The following POLR1A variants were observed in gnomAD, a reference collection of about 807,000 sequenced individuals.
POLR1A encodes DNA-directed RNA polymerase I subunit RPA1.
Under a neutral mutation model 205.3 loss-of-function variants are expected in POLR1A, and 84 were observed. The ratio of observed to expected loss-of-function variants is 0.41; its 90% CI spans 0.34 to 0.49. POLR1A has a LOEUF of 0.49. POLR1A is among the 20% of genes least tolerant of loss of function. POLR1A has a pLI of 0.22. For synonymous variants in POLR1A, 799 were observed against 863.7 expected, an observed-to-expected ratio of 0.93 and a Z score of 1.31; for missense variants, 1,645 against 2,204.5, an observed-to-expected ratio of 0.75 and a Z score of 5.08.
In POLR1A at chr2:86,042,096, C is replaced by T. The variant is rs775535994; in HGVS notation, c.3365G>A (p.Arg1122Lys). Residue 1122 changes from arginine (R) to lysine (K), a missense_variant, in exon 24 of 34, where the codon AGG becomes AAG. Physicochemically the swap from Arg to Lys is conservative, Grantham distance 26. Around this residue, in one of 16 missense-constraint regions of POLR1A, gnomAD observed 201 missense variants for 222.3 expected, o/e 0.90. Coordinates refer to ENST00000263857, the MANE Select transcript of POLR1A (RefSeq NM_015425.6). ...TTCCTCATCCAACTCATACCACATC[C>T]TCAGCATCTGAACAGAAGGATGGGT... ...GRSPGTQEML[R>K]MWYELDEESR... The T allele has an allele frequency of 5.6e-6, 9 of 1,611,704 alleles. No homozygotes were observed. Among genetic ancestry groups the T allele is most frequent in the Non-Finnish European group, 8.5e-7 (1 of 1,179,244 alleles).
At chr2:86,045,476 TG>T in intron 20 of POLR1A, 116 bp from the exon 21 acceptor site, 1 of 1,256,818 alleles carries the variant, frequency 8.0e-7, no homozygotes. Flanking sequence ...CTCCCTTCCC[TG>T]ATCTCCTAGG....
chr2:86,045,803 T>A, intron 19 of POLR1A, 34 bp from the exon 20 acceptor site: 3 of 1,583,392 alleles, frequency 1.9e-6, no homozygotes, highest in Non-Finnish European at 2.6e-6. Flanking sequence ...AAACTGAAGA[T>A]CCACATGTGT....
rs1690152678 is a variant in POLR1A at position 86,022,043 on chromosome 2, A to G, written c.*5380T>C. On this transcript the variant is annotated 3_prime_UTR_variant, in exon 34 of 34. Coordinates refer to ENST00000263857, the MANE Select transcript of POLR1A (RefSeq NM_015425.6). The stretch of plus-strand genomic sequence containing the variant: ...TCGTGGTAGGACAGCGATGCTGCTT[A>G]AAGAACTTAAGGAACGAATCTGATT... 6.6e-6 allele frequency: 1 copy of G among 152,240 alleles called. No homozygotes were observed. Among genetic ancestry groups the G allele is most frequent in the African/African-American group, 2.4e-5 (1 of 41,468 alleles). The allele number at this position is 152,240 out of a possible 1,614,324, so 9.4% of individuals were successfully genotyped here. A position where few individuals can be genotyped will look rare whatever the true frequency, so the allele number is the denominator to read the frequency against.
At chr2:86,075,694 G>C (rs1392958341) in intron 11 of POLR1A, among the ~76,000 whole-genome samples, 1 of 152,100 alleles carries the variant, frequency 6.6e-6, no homozygotes, top group East Asian at 1.9e-4. Flanking sequence ...TTTTAGTAGA[G>C]ACAGGGTTTC....
chr2:86,053,663 T>C (rs3770083), intron 15 of POLR1A, among the ~76,000 whole-genome samples: 2,461 of 152,286 alleles, frequency 0.016, 43 homozygotes, highest in East Asian at 0.098. Flanking sequence ...GACTCTGTGA[T>C]AACGCGTTGT....
At chr2:86,057,889 C>A (rs1405381104) in intron 14 of POLR1A, among the ~76,000 whole-genome samples, 1 of 151,892 alleles carries the variant, frequency 6.6e-6, no homozygotes, top group African/African-American at 2.4e-5. Flanking sequence ...GATGGTTGCA[C>A]AACATAGTGA....
At chr2:86,077,046 G>A (rs1459805935) in intron 11 of POLR1A, among the ~76,000 whole-genome samples, 1 of 152,210 alleles carries the variant, frequency 6.6e-6, no homozygotes, top group African/African-American at 2.4e-5. Flanking sequence ...ACAAAGAGAT[G>A]AGGCCATGGG....
At chr2:86,081,169 G>C (rs899862415) in intron 8 of POLR1A, among the ~76,000 whole-genome samples, 191 bp from the exon 9 acceptor site, 1 of 152,190 alleles carries the variant, frequency 6.6e-6, no homozygotes, top group African/African-American at 2.4e-5. Flanking sequence ...GCCATGGCAG[G>C]TGGATCACTG....
In POLR1A at chr2:86,089,807, A is replaced by C; in HGVS notation, c.540+15T>G. On this transcript the variant is annotated intron_variant, in intron 4 of 33. Transcript: ENST00000263857. The stretch of plus-strand genomic sequence containing the variant: ...ATGCCCAAAACAGCATGGGAGAAAG[A>C]CAGTGTTAACTCACATGTGCGCCCT... 1 of 1,429,768 alleles carries C rather than the reference A, an allele frequency of 7.0e-7. No homozygotes were observed. Among genetic ancestry groups the C allele is most frequent in the Non-Finnish European group, 9.9e-7 (1 of 1,011,702 alleles). 88.6% of individuals were successfully genotyped at this position (1,429,768 alleles called of 1,614,324 possible).
intron 13 of POLR1A, among the ~76,000 whole-genome samples, chr2:86,069,148 G>T (rs960529920): frequency 6.6e-6 from 1 of 152,248 alleles, no homozygotes; most frequent in Non-Finnish European, 1.5e-5. Context: ...TCTGCACAGT[G>T]TATGGCACTG....
chr2:86,098,017 T>C (rs2104435937), intron 3 of POLR1A, among the ~76,000 whole-genome samples: 2 of 152,312 alleles, frequency 1.3e-5, no homozygotes, highest in Middle Eastern at 6.8e-3. Flanking sequence ...GTAAATATTA[T>C]GTGTTAATAC....
Position 86,098,744 on chromosome 2 carries a change from A to G in POLR1A, c.299T>C (p.Leu100Pro). Residue 100 changes from leucine to proline, a missense_variant, in exon 3 of 34, where the codon CTT becomes CCT. This residue lies in a region of POLR1A where 330 missense variants were observed against 375.6 expected (regional missense o/e 0.88). Coordinates refer to ENST00000263857, the MANE Select transcript of POLR1A (RefSeq NM_015425.6). ...GTGGCAGTTTAAACAAGAGCCCCGA[A>G]GCAGCAGGTACAGCTTCTGAAGAGA... ...PLLFDKLYLL[L>P]RGSCLNCHML... 1 of 1,614,126 alleles carries G rather than the reference A, an allele frequency of 6.2e-7. No individual in the cohort carries two copies. The highest frequency in any genetic ancestry group is 8.5e-7 in the Non-Finnish European group (1 of 1,180,004).
chr2:86,086,225 ATT>A (rs879587687), intron 6 of POLR1A, among the ~76,000 whole-genome samples: 2 of 145,846 alleles, frequency 1.4e-5, no homozygotes, highest in Non-Finnish European at 3.0e-5. Flanking sequence ...CACCCGGCTA[ATT>A]TTTTTTTTTT....
chr2:86,072,833 C>T (rs1471414884), intron 12 of POLR1A, among the ~76,000 whole-genome samples: 19 of 152,350 alleles, frequency 1.2e-4, no homozygotes, highest in Admixed American at 7.8e-4. Flanking sequence ...CCTCCCCGGA[C>T]GAGACCTCAG....
chr2:86,045,428 C>T, intron 20 of POLR1A, 68 bp from the exon 21 acceptor site: 3 of 1,341,416 alleles, frequency 2.2e-6, no homozygotes, highest in East Asian at 2.3e-5. Flanking sequence ...AGGGCTCAGG[C>T]CAACACCTCC....
At chr2:86,092,843 A>C (rs967705271) in intron 3 of POLR1A, among the ~76,000 whole-genome samples, 2 of 152,182 alleles carry the variant, frequency 1.3e-5, no homozygotes, top group African/African-American at 2.4e-5. Flanking sequence ...AGAAAGAATT[A>C]TGTTACTTAT....
At chr2:86,096,299 T>C (rs1673701897) in intron 3 of POLR1A, among the ~76,000 whole-genome samples, 1 of 151,962 alleles carries the variant, frequency 6.6e-6, no homozygotes, top group Non-Finnish European at 1.5e-5. Context: ...TGGAAAAACA[T>C]CCCATACTTA....
intron 1 of POLR1A, among the ~76,000 whole-genome samples, chr2:86,102,907 T>A (rs1673848851): frequency 6.6e-6 from 1 of 151,982 alleles, no homozygotes; most frequent in South Asian, 2.1e-4. Flanking sequence ...ATGGTGTTGT[T>A]AAGAACTGAG....
chr2:86,103,548 A>C (rs994164914), intron 1 of POLR1A, among the ~76,000 whole-genome samples: 1 of 152,228 alleles, frequency 6.6e-6, no homozygotes, highest in Non-Finnish European at 1.5e-5. Flanking sequence ...CTTTTTAAAA[A>C]TTCAGGCAAC....
Sources: allele counts gnomAD v4.1 joint callset (sites outside exome capture counted in the v4.1 genomes callset), GRCh38; gene constraint gnomAD v4.1.1; regional missense constraint gnomAD v4.1.1; transcripts MANE v1.5; gene names NCBI Gene and HGNC (gene_info 2026-07-23, HGNC 2026-07-21).